Variants in RYR3 observed in about 807,000 individuals in gnomAD.
RYR3 encodes brain ryanodine receptor-calcium release channel.
A neutral mutation model predicts 584.3 loss-of-function variants in RYR3; 207 were observed. That is an observed-to-expected ratio of 0.35 (90% confidence interval 0.32 to 0.40). The LOEUF (loss-of-function observed/expected upper bound fraction) is 0.40. RYR3 is among the 10% of genes least tolerant of loss of function. The pLI, the probability that RYR3 is intolerant of heterozygous loss-of-function variation, is 1.00. For missense variants in RYR3, 5,616 were observed against 6,089.2 expected (o/e 0.92, Z 2.59); for synonymous variants, 2,416 against 2,248.5 (o/e 1.07, Z -2.11).
At chr15:33,614,700 T>C (rs771889598) in intron 19 of RYR3, among the ~76,000 whole-genome samples, 6 of 152,098 alleles carry the variant, frequency 3.9e-5, no homozygotes, top group African/African-American at 9.7e-5. Flanking sequence ...TACATGTTTA[T>C]GTATAATAAT....
intron 1 of RYR3, among the ~76,000 whole-genome samples, chr15:33,468,007 A>G (rs906023440): frequency 6.6e-6 from 1 of 152,114 alleles, no homozygotes; most frequent in African/African-American, 2.4e-5. Context: ...ATGAATTCAT[A>G]CCTATTGCTA....
At chr15:33,608,915 C>T (rs916316735) in intron 18 of RYR3, among the ~76,000 whole-genome samples, 1 of 152,212 alleles carries the variant, frequency 6.6e-6, no homozygotes, top group African/African-American at 2.4e-5. Flanking sequence ...AGCCATATTT[C>T]CTCTGGAGGG....
At chr15:33,814,664 C>T (rs779044742) in intron 74 of RYR3, among the ~76,000 whole-genome samples, 1 of 151,880 alleles carries the variant, frequency 6.6e-6, no homozygotes, top group Non-Finnish European at 1.5e-5. Flanking sequence ...TTTGGGAGGC[C>T]GAGGCAGGCA....
intron 3 of RYR3, among the ~76,000 whole-genome samples, chr15:33,523,653 T>A (rs1240007652): frequency 2.0e-5 from 3 of 151,962 alleles, no homozygotes; most frequent in Non-Finnish European, 2.9e-5. Context: ...TAGGGCAGGG[T>A]AGACCTAGAA....
In RYR3 at chr15:33,722,811, G is replaced by A. The variant is rs370060267; in HGVS notation, c.6716G>A (p.Gly2239Glu). The change falls in exon 44 of 104, where the codon GGG becomes GAG. Residue 2239 changes from glycine to glutamate, a missense_variant. Gly to Glu is a moderately conservative substitution (Grantham distance 98). This residue lies in a region of RYR3 where 1,280 missense variants were observed against 1,426.2 expected (regional missense o/e 0.90). Transcript: ENST00000634891. ...GCCCTGCGGGGTGAGGGGGGAAACG[G>A]GCTCTTGGCAGCCATGCAGGGTGCC... ...GPALRGEGGN[G>E]LLAAMQGAIK... is the part of the protein sequence containing the mutation. 1.2e-6 allele frequency: 2 copies of A among 1,613,288 alleles called. No individual in the cohort carries two copies.
chr15:33,311,012 C>T lies in RYR3; in HGVS notation c.-34C>T, dbSNP rs746939868. On this transcript the variant is annotated 5_prime_UTR_variant, in exon 1 of 104. Transcript: ENST00000634891. The surrounding 1 kb of genome is among the most constrained non-coding windows in gnomAD (Gnocchi z 4.4). ...CGGCTGCCGGGGGAAGCAGAGGCGC[C>T]GGAGGCTGGGGCACCGCCGACGCCT... 8.4e-6 allele frequency: 13 copies of T among 1,553,498 alleles called. No individual in the cohort carries two copies. In the East Asian group the frequency reaches 1.3e-4, roughly 15 times the overall value.
At chr15:33,361,838 G>A (rs79300789) in intron 1 of RYR3, among the ~76,000 whole-genome samples, 5,690 of 152,270 alleles carry the variant, frequency 0.037, 144 homozygotes, top group Non-Finnish European at 0.06. Context: ...TAATTGATCC[G>A]GGATGGGGCT....
intron 5 of RYR3, among the ~76,000 whole-genome samples, chr15:33,534,461 A>C (rs960923765): frequency 6.6e-6 from 1 of 152,228 alleles, no homozygotes; most frequent in Admixed American, 6.5e-5. Context: ...AGTGTCATTT[A>C]ATTGCCTCCC....
intron 1 of RYR3, among the ~76,000 whole-genome samples, chr15:33,321,037 G>A (rs1285112031): frequency 1.3e-5 from 2 of 152,178 alleles, no homozygotes; most frequent in African/African-American, 4.8e-5. Flanking sequence ...AGTTCTCTGA[G>A]CGTCTACTTT....
At position 33,830,995 on chromosome 15, in the gene RYR3, A is replaced by G; in HGVS notation, c.11367A>G (p.Ser3789=). 6.2e-7 allele frequency: 1 copy of G among 1,613,672 alleles called. No homozygotes were observed. The highest frequency in any genetic ancestry group is 8.5e-7 in the Non-Finnish European group (1 of 1,179,678). Residue 3789 remains serine, a synonymous_variant, in exon 86 of 104, where the codon TCA becomes TCG. Transcript: ENST00000634891. The part of the protein sequence containing the change: ...ESISDFYWYY[S]GKDIIDESGQ... ...TCAGTGATTTCTACTGGTATTATTCAGGGAAGGACATCATTGATGAATCTG... is the reference window on the plus strand; with the variant it reads ...TCAGTGATTTCTACTGGTATTATTCGGGGAAGGACATCATTGATGAATCTG...
chr15:33,667,413 T>C (rs986742402), intron 36 of RYR3, among the ~76,000 whole-genome samples: 19 of 152,352 alleles, frequency 1.2e-4, no homozygotes, highest in African/African-American at 4.3e-4. Context: ...CTTATTTTAA[T>C]ATTGGCAGCA....
chr15:33,593,227 G>A (rs757081774), intron 16 of RYR3, among the ~76,000 whole-genome samples: 3 of 152,036 alleles, frequency 2.0e-5, no homozygotes, highest in Non-Finnish European at 2.9e-5. Flanking sequence ...TGATTGTGAG[G>A]GCTAAAGACA....
At chr15:33,651,337 C>A (rs1303795214) in intron 31 of RYR3, among the ~76,000 whole-genome samples, 1 of 152,154 alleles carries the variant, frequency 6.6e-6, no homozygotes, top group Non-Finnish European at 1.5e-5. Flanking sequence ...ATGGTTAGCA[C>A]CTTAATCACT....
rs1311822738 is a variant in RYR3, at chr15:33,731,490, C to A, written c.7220C>A (p.Thr2407Lys). ...ASLDTVSLST[T>K]EAALALNRYI... ...TTTCTCTAGGTTTCCCTAAGCACCA[C>A]AGAGGCTGCGCTTGCACTAAATAGG... Residue 2407 changes from threonine (T) to lysine (K), a missense_variant, in exon 48 of 104, where the codon ACA becomes AAA. Thr to Lys is a moderately conservative substitution (Grantham distance 78, BLOSUM62 -1). Transcript: ENST00000634891. 1.2e-5 allele frequency: 20 copies of A among 1,611,914 alleles called. No individual in the cohort carries two copies. Among genetic ancestry groups the A allele is most frequent in the Non-Finnish European group, 1.7e-5 (20 of 1,178,934 alleles).
At chr15:33,705,101 T>TTCTC (rs10534581) in intron 42 of RYR3, among the ~76,000 whole-genome samples, 19,220 of 141,926 alleles carry the variant, frequency 0.14, 1,401 homozygotes, top group Admixed American at 0.24. Context: ...CACACACTCT[T>TTCTC]TCTCTCTCTC....
chr15:33,481,854 A>G (rs1283839047), intron 2 of RYR3, among the ~76,000 whole-genome samples: 1 of 147,848 alleles, frequency 6.8e-6, no homozygotes, highest in South Asian at 2.1e-4. Context: ...TTTTCCTTGC[A>G]TTCATATTTA....
rs189544489 is a variant in RYR3, at chr15:33,343,212, A to G, written c.51+32116A>G. 9.2e-5 allele frequency among the ~76,000 whole-genome samples: 14 copies of G among 152,344 alleles called. No individual in the cohort carries two copies. In the East Asian group the frequency reaches 2.5e-3, roughly 27 times the overall value. ...ATAAGTAAAAGAATCTGTTTCTGCC[A>G]GTTCTCTGGAAGTTCTGAGTTCTTT... On this transcript the variant is annotated intron_variant, in intron 1 of 103. Transcript: ENST00000634891.
chr15:33,329,529 A>C (rs1454020526), intron 1 of RYR3, among the ~76,000 whole-genome samples: 1 of 152,168 alleles, frequency 6.6e-6, no homozygotes, highest in Non-Finnish European at 1.5e-5. Context: ...TCCTGAAAGG[A>C]GCATCAGGCT....
chr15:33,688,055 A>G (rs1411869753), intron 38 of RYR3, among the ~76,000 whole-genome samples: 1 of 152,290 alleles, frequency 6.6e-6, no homozygotes, highest in Non-Finnish European at 1.5e-5. Flanking sequence ...AAGCCAAAAT[A>G]GACAAATGGG....
Sources: allele counts gnomAD v4.1 joint callset (sites outside exome capture counted in the v4.1 genomes callset), GRCh38; gene constraint gnomAD v4.1.1; regional missense constraint gnomAD v4.1.1; non-coding constraint Gnocchi (gnomAD v3.1); transcripts MANE v1.5; gene names NCBI Gene and HGNC (gene_info 2026-07-23, HGNC 2026-07-21).